The following MYCBP2 variants were observed in gnomAD, a reference collection of about 807,000 sequenced individuals.
MYCBP2 encodes MYC binding protein 2.
A neutral mutation model predicts 525.3 loss-of-function variants in MYCBP2; 120 were observed. That is an observed-to-expected ratio of 0.23 (90% CI 0.20 to 0.27). MYCBP2 has a LOEUF of 0.27. Ranked by LOEUF, MYCBP2 falls within the 10% of genes least tolerant of loss-of-function variation. The probability of loss-of-function intolerance (pLI) is 1.00; values close to 1 mark genes in which losing one functional copy is unlikely to be tolerated. For missense variants in MYCBP2, 4,149 were observed against 5,657.1 expected (o/e 0.73, Z 8.55); for synonymous variants, 1,894 against 1,955.8 (o/e 0.97, Z 0.83).
At chr13:77,258,579 A>G (rs1055683554) in intron 13 of MYCBP2, among the ~76,000 whole-genome samples, 2 of 152,230 alleles carry the variant, frequency 1.3e-5, no homozygotes, top group African/African-American at 4.8e-5. Flanking sequence ...ACTGTTCTAC[A>G]TTATTAGCTC....
chr13:77,241,052 C>T (rs2068746215), intron 17 of MYCBP2, among the ~76,000 whole-genome samples: 1 of 152,110 alleles, frequency 6.6e-6, no homozygotes, highest in Non-Finnish European at 1.5e-5. Flanking sequence ...GAACCTCAAT[C>T]TATCTTTGGA....
chr13:77,158,861 T>A (rs142832927), intron 44 of MYCBP2, among the ~76,000 whole-genome samples: 3 of 152,304 alleles, frequency 2.0e-5, no homozygotes, highest in Non-Finnish European at 4.4e-5. Context: ...GGAAGCCTGA[T>A]TGTGGCAGCA....
chr13:77,066,198 T>A, intron 71 of MYCBP2, 110 bp from the exon 72 acceptor site: 2 of 733,864 alleles, frequency 2.7e-6, no homozygotes, highest in East Asian at 2.7e-5. Context: ...TTTAAGTGAC[T>A]GAATCAATTA....
chr13:77,234,908 C>A (rs1441925203), intron 17 of MYCBP2, among the ~76,000 whole-genome samples: 1 of 151,938 alleles, frequency 6.6e-6, no homozygotes, highest in Non-Finnish European at 1.5e-5. Context: ...CATGAAAATA[C>A]ATCACACCCA....
chr13:77,167,010 CA>C lies in MYCBP2; in HGVS notation c.6115-457del, dbSNP rs1566780923. 2.2e-3 allele frequency among the ~76,000 whole-genome samples: 325 copies of C among 151,010 alleles called. 2 individuals are homozygous for C. Among genetic ancestry groups the C allele is most frequent in the Admixed American group, 5.5e-3 (84 of 15,136 alleles). ...ACACACACACACACACACACACACA[CA>C]CACACACACACACACCAAATGAAAT... On this transcript the variant is annotated intron_variant, in intron 40 of 82. Coordinates refer to ENST00000544440, the MANE Select transcript of MYCBP2 (RefSeq NM_015057.5).
chr13:77,094,028 A>G (rs1490829263), intron 58 of MYCBP2, among the ~76,000 whole-genome samples: 2 of 152,116 alleles, frequency 1.3e-5, no homozygotes, highest in East Asian at 3.9e-4. Context: ...CACACTAAAG[A>G]TCTATTGTAT....
chr13:77,064,760 A>G (rs1228305654), intron 72 of MYCBP2, 26 bp from the exon 73 acceptor site: 1 of 1,591,452 alleles, frequency 6.3e-7, no homozygotes, highest in Non-Finnish European at 8.5e-7. Context: ...GAGTATTTTA[A>G]TAAGTGACCA....
chr13:77,318,750 C>T (rs1488311310), intron 1 of MYCBP2, among the ~76,000 whole-genome samples: 1 of 151,892 alleles, frequency 6.6e-6, no homozygotes, highest in Non-Finnish European at 1.5e-5. Flanking sequence ...CGAGACTCTG[C>T]CTCAAAACAA....
In MYCBP2 at chr13:77,097,426, A is replaced by G; in HGVS notation, c.9728T>C (p.Leu3243Pro). ...GGPEKDTICE[L>P]CGESHPYPVT... ...CGGGTATGGATGTGACTCCCCACAC[A>G]GTTCACAGATGGTATCTTTCTCTGG... Residue 3243 changes from leucine to proline, a missense_variant, in exon 56 of 83, where the codon CTG becomes CCG. Coordinates refer to ENST00000544440, the MANE Select transcript of MYCBP2 (RefSeq NM_015057.5). 1 of 1,613,530 alleles carries G rather than the reference A, an allele frequency of 6.2e-7. No homozygotes were observed. Among genetic ancestry groups the G allele is most frequent in the Non-Finnish European group, 8.5e-7 (1 of 1,179,716 alleles).
rs1342016133 is a variant in MYCBP2, at chr13:77,267,952, A to T, written c.1261-15T>A. On this transcript the variant is annotated splice_polypyrimidine_tract_variant and intron_variant, in intron 7 of 82. Coordinates refer to ENST00000544440, the MANE Select transcript of MYCBP2 (RefSeq NM_015057.5). ...AATAAATAACCCTGATAACAGCAAAAAATTTTCCTGTTAAAATATTTATTA... is the reference window on the plus strand; with the variant it reads ...AATAAATAACCCTGATAACAGCAAATAATTTTCCTGTTAAAATATTTATTA... 1 of 1,565,970 alleles carries T rather than the reference A, an allele frequency of 6.4e-7. No individual in the cohort carries two copies. Among genetic ancestry groups the T allele is most frequent in the Non-Finnish European group, 8.8e-7 (1 of 1,139,758 alleles).
At chr13:77,293,221 T>C (rs942929651) in intron 2 of MYCBP2, among the ~76,000 whole-genome samples, 3 of 152,108 alleles carry the variant, frequency 2.0e-5, no homozygotes, top group Non-Finnish European at 4.4e-5. Flanking sequence ...TGCTGGAAGG[T>C]AGAATTTATC....
chr13:77,220,700 T>G (rs2065425435), intron 20 of MYCBP2, among the ~76,000 whole-genome samples: 1 of 152,302 alleles, frequency 6.6e-6, no homozygotes, highest in Non-Finnish European at 1.5e-5. Context: ...CTATAGAAGC[T>G]TTGTTCCTCC....
At chr13:77,236,800 A>G (rs1418176667) in intron 17 of MYCBP2, among the ~76,000 whole-genome samples, 1 of 152,138 alleles carries the variant, frequency 6.6e-6, no homozygotes, top group African/African-American at 2.4e-5. Flanking sequence ...CGGGAGGCTG[A>G]GGCAGGAGGG....
intron 17 of MYCBP2, among the ~76,000 whole-genome samples, chr13:77,236,667 G>T (rs754362307): frequency 3.3e-5 from 5 of 152,120 alleles, no homozygotes; most frequent in Non-Finnish European, 7.4e-5. Context: ...ATTTTACACA[G>T]AATATGATTT....
chr13:77,191,667 G>A lies in MYCBP2; in HGVS notation c.4070+12C>T. On this transcript the variant is annotated intron_variant, in intron 28 of 82. Transcript: ENST00000544440. ...TAAGTATTGCTTAAGTAACACTTGGGCATTTACTTACCCATCATCTGTGGT... is the reference window on the plus strand; with the variant it reads ...TAAGTATTGCTTAAGTAACACTTGGACATTTACTTACCCATCATCTGTGGT... The A allele has an allele frequency of 6.2e-7, 1 of 1,610,432 alleles. No individual in the cohort carries two copies.
intron 55 of MYCBP2, among the ~76,000 whole-genome samples, chr13:77,118,093 C>G (rs1256904661): frequency 4.6e-5 from 7 of 152,160 alleles, no homozygotes; most frequent in Non-Finnish European, 1.0e-4. Context: ...GAAAAATCCA[C>G]TGAAAGTTGT....
At position 77,061,197 on chromosome 13, in the gene MYCBP2, C is replaced by T. The variant is rs368880586; in HGVS notation, c.13008G>A (p.Lys4336=). 6.2e-7 allele frequency: 1 copy of T among 1,608,746 alleles called. No homozygotes were observed. Among genetic ancestry groups the T allele is most frequent in the Admixed American group, 1.7e-5 (1 of 59,218 alleles). The change falls in exon 76 of 83, where the codon AAG becomes AAA. Residue 4336 remains lysine (K), a synonymous_variant. Transcript: ENST00000544440. ...LMALADSKTM[K]AMVEFREHTG... ...TGTGTTCTCGGAATTCCACCATTGC[C>T]TTCATTGTTTTAGAATCTGCCAGTG...
At chr13:77,171,257 A>T (rs1199069512) in intron 38 of MYCBP2, among the ~76,000 whole-genome samples, 2 of 152,222 alleles carry the variant, frequency 1.3e-5, no homozygotes, top group Non-Finnish European at 2.9e-5. Context: ...TTTTTCTTTT[A>T]CTAAATTAAC....
At chr13:77,157,875 CT>C (rs2057400849) in intron 45 of MYCBP2, 61 bp downstream of exon 45, 1 of 1,401,020 alleles carries the variant, frequency 7.1e-7, no homozygotes, top group Non-Finnish European at 9.8e-7. Context: ...TGACTCCCCT[CT>C]TTCAGAAATG....
Sources: allele counts gnomAD v4.1 joint callset (sites outside exome capture counted in the v4.1 genomes callset), GRCh38; gene constraint gnomAD v4.1.1; transcripts MANE v1.5; gene names NCBI Gene and HGNC (gene_info 2026-07-23, HGNC 2026-07-21).